Variants in PITPNC1 observed in about 807,000 individuals in gnomAD.
PITPNC1 encodes the protein phosphatidylinositol transfer protein cytoplasmic 1, also known as cytoplasmic phosphatidylinositol transfer protein 1.
In PITPNC1, 18 loss-of-function variants were observed where a neutral mutation model predicts 44.7. The observed-to-expected ratio is 0.40, with a 90% CI of 0.28 to 0.60. PITPNC1 has a LOEUF of 0.60. Among genes scored for constraint, PITPNC1 ranks in the 20% least tolerant of loss-of-function variants. PITPNC1 has a pLI of 0.39. For synonymous variants in PITPNC1, 141 were observed against 149.6 expected (o/e 0.94, Z 0.42); for missense variants, 290 against 418.4 (o/e 0.69, Z 2.68).
chr17:67,442,320 T>A (rs1344467906), intron 1 of PITPNC1, among the ~76,000 whole-genome samples: 3 of 145,288 alleles, frequency 2.1e-5, no homozygotes, highest in Admixed American at 1.5e-4. Flanking sequence ...AAAAAAAAGT[T>A]GACTATGAGT....
chr17:67,447,792 C>T (rs1598675180), intron 1 of PITPNC1, among the ~76,000 whole-genome samples: 1 of 152,184 alleles, frequency 6.6e-6, no homozygotes, highest in Non-Finnish European at 1.5e-5. Context: ...AAGGGACAAA[C>T]CCCTGCTTTG....
At chr17:67,618,134 G>C (rs529022599) in intron 5 of PITPNC1, among the ~76,000 whole-genome samples, 1 of 152,052 alleles carries the variant, frequency 6.6e-6, no homozygotes, top group Admixed American at 6.6e-5. Context: ...ACCAAGGCGG[G>C]GGGTGGATCA....
intron 6 of PITPNC1, among the ~76,000 whole-genome samples, chr17:67,658,608 C>T (rs1427731517): frequency 6.6e-6 from 1 of 152,180 alleles, no homozygotes; most frequent in Non-Finnish European, 1.5e-5. Flanking sequence ...GAGACAAGAA[C>T]TCGGACCTAG....
chr17:67,498,082 C>T (rs1358863438), intron 1 of PITPNC1, among the ~76,000 whole-genome samples: 1 of 151,982 alleles, frequency 6.6e-6, no homozygotes, highest in African/African-American at 2.4e-5. Flanking sequence ...GTTAGCCAGG[C>T]TGGTCTTGAA....
chr17:67,660,185 A>G (rs1275336529), intron 6 of PITPNC1, among the ~76,000 whole-genome samples: 1 of 152,206 alleles, frequency 6.6e-6, no homozygotes, highest in Non-Finnish European at 1.5e-5. Flanking sequence ...CTGCTATGCC[A>G]TAAATCTATC....
intron 1 of PITPNC1, among the ~76,000 whole-genome samples, chr17:67,394,641 C>T (rs866713666): frequency 1.3e-5 from 2 of 152,098 alleles, no homozygotes; most frequent in Non-Finnish European, 2.9e-5. Flanking sequence ...CGGTGGCTCA[C>T]GCCTGTAATC....
intron 1 of PITPNC1, among the ~76,000 whole-genome samples, chr17:67,520,867 C>T (rs542027912): frequency 5.4e-4 from 83 of 152,304 alleles, no homozygotes; most frequent in Middle Eastern, 3.4e-3. Context: ...ATGACACCCA[C>T]TGCCTTAGCC....
At position 67,573,556 on chromosome 17, in the gene PITPNC1, CTTTTT is replaced by C. The variant is rs35434515; in HGVS notation, c.295-4610_295-4606del. 8.3e-5 allele frequency among the ~76,000 whole-genome samples: 7 copies of C among 84,048 alleles called. No individual in the cohort carries two copies. In the East Asian group the frequency reaches 1.4e-3, roughly 17 times the overall value. The allele number at this position is 84,048 out of a possible 152,430, so 55.1% of individuals were successfully genotyped here. The stretch of plus-strand genomic sequence containing the variant: ...ACAGGAAGCACTGAAACTGAATACT[CTTTTT>C]TTTTTTTTTTTTTTTTTTTGAGATG... On this transcript the variant is annotated intron_variant, in intron 4 of 8. Transcript: ENST00000581322.
chr17:67,474,202 G>T (rs1043473723), intron 1 of PITPNC1, among the ~76,000 whole-genome samples: 3 of 152,074 alleles, frequency 2.0e-5, no homozygotes, highest in African/African-American at 7.2e-5. Flanking sequence ...GCAAAAACAA[G>T]GGACACCCTG....
At chr17:67,396,309 G>A (rs912364733) in intron 1 of PITPNC1, among the ~76,000 whole-genome samples, 1 of 152,082 alleles carries the variant, frequency 6.6e-6, no homozygotes, top group Non-Finnish European at 1.5e-5. Context: ...TTCTCTAGGA[G>A]TTGTTTCTTT....
At chr17:67,406,495 G>C (rs1452547773) in intron 1 of PITPNC1, among the ~76,000 whole-genome samples, 6 of 151,952 alleles carry the variant, frequency 3.9e-5, no homozygotes, top group Non-Finnish European at 8.8e-5. Flanking sequence ...GGCTTCTTTT[G>C]CTTAGCATAA....
chr17:67,433,931 A>AATG (rs2038896026), intron 1 of PITPNC1, among the ~76,000 whole-genome samples: 1 of 151,908 alleles, frequency 6.6e-6, no homozygotes, highest in Non-Finnish European at 1.5e-5. Flanking sequence ...TAATAATAAT[A>AATG]AAGAGGAATC....
intron 5 of PITPNC1, among the ~76,000 whole-genome samples, chr17:67,628,300 C>T (rs2041920501): frequency 6.6e-6 from 1 of 152,108 alleles, no homozygotes; most frequent in Non-Finnish European, 1.5e-5. Context: ...TAGATGGTAA[C>T]CTCTCAAGGG....
At chr17:67,500,107 T>C (rs1354640275) in intron 1 of PITPNC1, among the ~76,000 whole-genome samples, 1 of 152,268 alleles carries the variant, frequency 6.6e-6, no homozygotes, top group Non-Finnish European at 1.5e-5. Flanking sequence ...TGATGGTTAA[T>C]CATTTTAAAC....
Position 67,477,573 on chromosome 17 carries a change from A to AT in PITPNC1, c.49-55223dup, listed in dbSNP as rs201433827. On this transcript the variant is annotated intron_variant, in intron 1 of 8. Transcript: ENST00000581322. ...CCAGCTCATTTTTATTTATTTATTT[A>AT]TTTTTTGGTAGAGACAGGGTCTTGC... Among the ~76,000 whole-genome samples, 457 of 151,036 alleles carry AT rather than the reference A, an allele frequency of 3.0e-3. 1 individual carries two copies. The highest frequency in any genetic ancestry group is 6.5e-3 in the South Asian group (31 of 4,780).
At chr17:67,631,671 TAA>T (rs1244869129) in intron 5 of PITPNC1, among the ~76,000 whole-genome samples, 1 of 69,668 alleles carries the variant, frequency 1.4e-5, no homozygotes, top group Non-Finnish European at 3.1e-5. Flanking sequence ...TATATATATA[TAA>T]AATATATATT....
intron 1 of PITPNC1, among the ~76,000 whole-genome samples, chr17:67,382,348 T>G (rs532653757): frequency 9.2e-5 from 14 of 151,690 alleles, no homozygotes; most frequent in Admixed American, 3.3e-4. Flanking sequence ...GGTGTGTGTG[T>G]GTGTGTGTGT....
At chr17:67,549,833 A>G (rs2040735024) in intron 2 of PITPNC1, among the ~76,000 whole-genome samples, 1 of 152,194 alleles carries the variant, frequency 6.6e-6, no homozygotes, top group Admixed American at 6.5e-5. Context: ...GTCTAAGCTA[A>G]ACAATGCCTG....
At chr17:67,446,299 G>A (rs750116487) in intron 1 of PITPNC1, among the ~76,000 whole-genome samples, 9 of 151,604 alleles carry the variant, frequency 5.9e-5, no homozygotes, top group Non-Finnish European at 1.3e-4. Context: ...AAGTGGTAGT[G>A]TGCTCCGTAT....
Sources: allele counts gnomAD v4.1 joint callset (sites outside exome capture counted in the v4.1 genomes callset), GRCh38; gene constraint gnomAD v4.1.1; transcripts MANE v1.5; gene names NCBI Gene and HGNC (gene_info 2026-07-23, HGNC 2026-07-21).